CD44: variants seen among roughly 807,000 people sequenced by gnomAD.
CD44 encodes the protein CD44 molecule (IN blood group), also known as CD44 antigen.
CD44 carries 49 observed loss-of-function variants against 88.8 expected under a neutral mutation model. The ratio of observed to expected loss-of-function variants is 0.55; its 90% CI spans 0.44 to 0.70. The LOEUF (loss-of-function observed/expected upper bound fraction) is 0.70. CD44 is among the 30% of genes least tolerant of loss of function. CD44 has a pLI of 0.00. For synonymous variants in CD44, 325 were observed against 312.3 expected (o/e 1.04, Z -0.43); for missense variants, 883 against 913.8 (o/e 0.97, Z 0.43).
chr11:35,227,582 C>T (rs1949793615), intron 17 of CD44, among the ~76,000 whole-genome samples: 1 of 152,244 alleles, frequency 6.6e-6, no homozygotes, highest in African/African-American at 2.4e-5. Context: ...CTTCCCCCAA[C>T]CCCTCATCAA....
Position 35,190,054 on chromosome 11 carries a change from T to C in CD44, c.656T>C (p.Ile219Thr), listed in dbSNP as rs1448014017. 6.2e-7 allele frequency: 1 copy of C among 1,613,414 alleles called. No individual in the cohort carries two copies. The highest frequency in any genetic ancestry group is 1.1e-5 in the South Asian group (1 of 91,080). ...TGGATCACCGACAGCACAGACAGAA[T>C]CCCTGCTACCAGTAAGGAGAATAAA... is the stretch of plus-strand genomic sequence containing the variant. The part of the protein sequence containing the change: ...SPWITDSTDR[I>T]PATTLMSTSA... The change falls in exon 5 of 18, where the codon ATC becomes ACC. Residue 219 changes from isoleucine (I) to threonine (T), a missense_variant. Ile to Thr is a moderately conservative substitution (Grantham distance 89). Transcript: ENST00000428726.
chr11:35,194,363 C>G (rs1186405366), intron 5 of CD44, among the ~76,000 whole-genome samples: 1 of 152,138 alleles, frequency 6.6e-6, no homozygotes, highest in African/African-American at 2.4e-5. Context: ...ATAGGCAGAA[C>G]TGAAAGTAAA....
chr11:35,201,592 A>T, intron 8 of CD44, 79 bp from the exon 9 acceptor site: 1 of 1,555,504 alleles, frequency 6.4e-7, no homozygotes, highest in South Asian at 1.1e-5. Flanking sequence ...GTTAAATAGC[A>T]TGCACTTTAA....
rs1444025576 is a variant in CD44, at chr11:35,229,154, A to T, written c.2050A>T (p.Ile684Phe). 3.7e-6 allele frequency: 6 copies of T among 1,614,032 alleles called. No individual in the cohort carries two copies. Among genetic ancestry groups the T allele is most frequent in the Non-Finnish European group, 4.2e-6 (5 of 1,179,920 alleles). The stretch of plus-strand genomic sequence containing the variant: ...GTGTGGGCAGAAGAAAAAGCTAGTG[A>T]TCAACAGTGGCAATGGAGCTGTGGA... ...RRCGQKKKLV[I>F]NSGNGAVEDR... is the part of the protein sequence containing the mutation. The change falls in exon 18 of 18, where the codon ATC (isoleucine) becomes TTC (phenylalanine). Residue 684 changes from isoleucine to phenylalanine, a missense_variant. Physicochemically the swap from Ile to Phe is conservative, Grantham distance 21. Transcript: ENST00000428726.
intron 5 of CD44, chr11:35,190,343 T>C (rs1011266280): frequency 3.9e-6 from 2 of 508,900 alleles, no homozygotes; most frequent in African/African-American, 3.8e-5. Flanking sequence ...CTCCTTATTC[T>C]CTTATCCCCA....
At position 35,229,557 on chromosome 11, in the gene CD44, C is replaced by T. The variant is rs543532111; in HGVS notation, c.*224C>T. The stretch of plus-strand genomic sequence containing the variant: ...AAATTAGGGCCCAATTAATAATCAG[C>T]AAGAATTTGATCGTTCCAGTTCCCA... On this transcript the variant is annotated 3_prime_UTR_variant, in exon 18 of 18. Transcript: ENST00000428726. The T allele has an allele frequency of 1.9e-5, 10 of 532,490 alleles. No individual in the cohort carries two copies. Among genetic ancestry groups the T allele is most frequent in the African/African-American group, 1.3e-4 (7 of 52,772 alleles). The allele number at this position is 532,490 out of a possible 1,614,324, so 33.0% of individuals were successfully genotyped here.
At chr11:35,154,612 T>C (rs187115) in intron 1 of CD44, among the ~76,000 whole-genome samples, 56,289 of 152,062 alleles carry the variant, frequency 0.37, 10,697 homozygotes, top group African/African-American at 0.46. Flanking sequence ...GTTTATTCTC[T>C]CAATGACGAT....
intron 13 of CD44, chr11:35,210,381 A>T: frequency 6.2e-6 from 1 of 160,262 alleles, no homozygotes. Flanking sequence ...TAACTTTTTT[A>T]TGTGGGCGTT....
rs572046321 is a variant in CD44, at chr11:35,152,770, G to C, written c.67+13400G>C. Among the ~76,000 whole-genome samples the C allele has an allele frequency of 2.6e-3, 398 of 152,238 alleles. 2 individuals carry two copies. The highest frequency in any genetic ancestry group is 4.0e-3 in the Non-Finnish European group (269 of 68,002). On this transcript the variant is annotated intron_variant, in intron 1 of 17. Coordinates refer to ENST00000428726, the MANE Select transcript of CD44 (RefSeq NM_000610.4). ...GGCCCAGTATTGGCTCAGGCTTCTT[G>C]GTTGTGCCACTTCCTAAGGCTTGCA...
At chr11:35,158,563 A>G (rs1942202046) in intron 1 of CD44, among the ~76,000 whole-genome samples, 1 of 152,232 alleles carries the variant, frequency 6.6e-6, no homozygotes, top group Non-Finnish European at 1.5e-5. Context: ...TAAGCATTCA[A>G]CAGTCATAAT....
intron 1 of CD44, among the ~76,000 whole-genome samples, chr11:35,161,239 T>A (rs1942558483): frequency 6.6e-6 from 1 of 152,222 alleles, no homozygotes; most frequent in Non-Finnish European, 1.5e-5. Flanking sequence ...TATTTCTTCA[T>A]CTAATACTCA....
chr11:35,186,490 A>G (rs1293102056), intron 3 of CD44, among the ~76,000 whole-genome samples: 1 of 151,960 alleles, frequency 6.6e-6, no homozygotes, highest in Non-Finnish European at 1.5e-5. Flanking sequence ...ATCCTCCCTA[A>G]TGTGTTTGCA....
chr11:35,143,438 G>C (rs1055432638), intron 1 of CD44, among the ~76,000 whole-genome samples: 2 of 151,608 alleles, frequency 1.3e-5, no homozygotes, highest in African/African-American at 2.4e-5. Flanking sequence ...AATACACCTA[G>C]CACTCTCTTT....
At chr11:35,144,798 CTT>C (rs755061406) in intron 1 of CD44, among the ~76,000 whole-genome samples, 17 of 152,218 alleles carry the variant, frequency 1.1e-4, no homozygotes, top group African/African-American at 3.6e-4. Flanking sequence ...AAATACATGA[CTT>C]AATGTAATTG....
intron 5 of CD44, among the ~76,000 whole-genome samples, chr11:35,194,135 T>C (rs1946521200): frequency 6.6e-6 from 1 of 152,210 alleles, no homozygotes; most frequent in Admixed American, 6.5e-5. Context: ...AAAATCTCTT[T>C]CCTTCACAGG....
At chr11:35,218,312 G>T (rs1177930004) in intron 15 of CD44, among the ~76,000 whole-genome samples, 1 of 152,160 alleles carries the variant, frequency 6.6e-6, no homozygotes, top group Non-Finnish European at 1.5e-5. Context: ...TAGTCAGAAA[G>T]GGCCACTGCC....
In CD44 at chr11:35,199,946, T is replaced by G. The variant is rs1223674765; in HGVS notation, c.923-1136T>G. Among the ~76,000 whole-genome samples the G allele has an allele frequency of 4.7e-5, 7 of 149,172 alleles. No homozygotes were observed. In the East Asian group the frequency reaches 9.7e-4, roughly 21 times the overall value. ...TTCCCATGGTGTTGTTTTTTTTTTT[T>G]TTTTTTTTTTTTTTTAATTTTTTAA... On this transcript the variant is annotated intron_variant, in intron 7 of 17. Transcript: ENST00000428726.
At chr11:35,181,886 C>A (rs1384619911) in intron 3 of CD44, among the ~76,000 whole-genome samples, 65 of 53,722 alleles carry the variant, frequency 1.2e-3, no homozygotes, top group Admixed American at 2.5e-3. Context: ...ATATATAATT[C>A]TATATATAAT....
At chr11:35,146,048 G>A (rs1225031447) in intron 1 of CD44, among the ~76,000 whole-genome samples, 1 of 151,800 alleles carries the variant, frequency 6.6e-6, no homozygotes, top group African/African-American at 2.4e-5. Flanking sequence ...AACACAGAAT[G>A]AGGGGGTGGG....
Sources: gnomAD v4.1 joint callset for allele counts (sites outside exome capture counted in the v4.1 genomes callset) on GRCh38, gnomAD v4.1.1 for gene constraint, MANE v1.5 for transcripts, NCBI Gene and HGNC (gene_info 2026-07-23, HGNC 2026-07-21) for gene names.